Variants in RANBP3L observed in about 807,000 individuals in gnomAD.
The protein encoded by RANBP3L is ran-binding protein 3-like.
RANBP3L carries 56 observed loss-of-function variants against 67.2 expected under a neutral mutation model. That is an observed-to-expected ratio of 0.83 (90% confidence interval 0.67 to 1.04). The LOEUF (loss-of-function observed/expected upper bound fraction) is 1.04. Among genes scored for constraint, RANBP3L ranks in the 50% least tolerant of loss-of-function variants. The pLI, the probability that RANBP3L is intolerant of heterozygous loss-of-function variation, is 0.00. For missense variants in RANBP3L, 496 were observed against 535.5 expected, an observed-to-expected ratio of 0.93 and a Z score of 0.73; for synonymous variants, 164 against 181.4, an observed-to-expected ratio of 0.90 and a Z score of 0.77.
intron 13 of RANBP3L, 85 bp downstream of exon 13, chr5:36,251,228 T>C: frequency 8.8e-7 from 1 of 1,142,026 alleles, no homozygotes; most frequent in Non-Finnish European, 1.2e-6. Context: ...CAGTTCCACT[T>C]GTTAAAAAAT....
chr5:36,255,116 T>G (rs1464189112), intron 11 of RANBP3L, among the ~76,000 whole-genome samples: 1 of 152,184 alleles, frequency 6.6e-6, no homozygotes, highest in African/African-American at 2.4e-5. Context: ...GGTATGTGCT[T>G]GGCTCTGATA....
intron 4 of RANBP3L, among the ~76,000 whole-genome samples, chr5:36,267,580 A>C (rs1749901206): frequency 6.6e-6 from 1 of 152,160 alleles, no homozygotes; most frequent in African/African-American, 2.4e-5. Flanking sequence ...ATTCAAATGA[A>C]GTGAGTAGTT....
At position 36,255,610 on chromosome 5, in the gene RANBP3L, A is replaced by G; in HGVS notation, c.904-20T>C. 6.3e-7 allele frequency: 1 copy of G among 1,580,980 alleles called. No individual in the cohort carries two copies. The highest frequency in any genetic ancestry group is 1.1e-5 in the South Asian group (1 of 88,512). Reference sequence around the variant, plus strand: ...GTTTATCTAAATGACAATTTTTTAAAATGTCAAATATATAGAAAATTTTTT... The same window carrying G: ...GTTTATCTAAATGACAATTTTTTAAGATGTCAAATATATAGAAAATTTTTT... On this transcript the variant is annotated intron_variant, in intron 10 of 13. Transcript: ENST00000296604.
At chr5:36,254,397 A>AT (rs1189388608) in intron 11 of RANBP3L, among the ~76,000 whole-genome samples, 6 of 152,014 alleles carry the variant, frequency 3.9e-5, no homozygotes, top group Admixed American at 2.6e-4. Context: ...TTTAAAAAAA[A>AT]TTTTTTCAAT....
chr5:36,257,343 A>G (rs1028977944), intron 9 of RANBP3L, 111 bp downstream of exon 9: 2 of 455,624 alleles, frequency 4.4e-6, no homozygotes, highest in Middle Eastern at 6.0e-4. Flanking sequence ...TTGGTTTTTT[A>G]AATCTTATAG....
rs1357727288 is a variant in RANBP3L, at chr5:36,270,917, C to T, written c.150+336G>A. Among the ~76,000 whole-genome samples, 4 of 152,156 alleles carry T rather than the reference C, an allele frequency of 2.6e-5. No individual in the cohort carries two copies. The East Asian group carries it at 5.8e-4, about 22-fold the overall frequency. On this transcript the variant is annotated intron_variant, in intron 2 of 13. Coordinates refer to ENST00000296604, the MANE Select transcript of RANBP3L (RefSeq NM_145000.5). The stretch of plus-strand genomic sequence containing the variant: ...TGTAATTTAGAATGTGTTTTTTTAC[C>T]GAGTTTTAGGCTAGGTCAGTGGTGA...
intron 2 of RANBP3L, 97 bp from the exon 3 acceptor site, chr5:36,270,087 C>A (rs1750103010): frequency 1.0e-6 from 1 of 1,002,754 alleles, no homozygotes; most frequent in East Asian, 2.4e-5. Flanking sequence ...AAAGTAATGG[C>A]AAAAATTGCA....
intron 10 of RANBP3L, among the ~76,000 whole-genome samples, chr5:36,256,108 A>G (rs539555361): frequency 1.3e-5 from 2 of 152,256 alleles, no homozygotes; most frequent in South Asian, 4.1e-4. Context: ...AGAGAGCATG[A>G]TAACGTGGAG....
At chr5:36,276,915 C>T (rs925606168) in intron 1 of RANBP3L, among the ~76,000 whole-genome samples, 2 of 152,184 alleles carry the variant, frequency 1.3e-5, no homozygotes, top group African/African-American at 2.4e-5. Flanking sequence ...CTTCCCCCAC[C>T]TAGATTACAG....
rs1342168107 is a variant in RANBP3L, at chr5:36,268,333, T to G, written c.268+1057A>C. 64 of 1,158,428 alleles carry G rather than the reference T, an allele frequency of 5.5e-5. No homozygotes were observed. In the East Asian group the frequency reaches 1.8e-3, roughly 33 times the overall value. The allele number at this position is 1,158,428 out of a possible 1,614,324, so 71.8% of individuals were successfully genotyped here. A position where few individuals can be genotyped will look rare whatever the true frequency, so the allele number is the denominator to read the frequency against. ...TTTTTTGTTTTGTTTTCATTTGGAG[T>G]TTTGCTGTTTTGGAAAAATTTCTGT... is the stretch of plus-strand genomic sequence containing the variant. On this transcript the variant is annotated intron_variant, in intron 4 of 13. Transcript: ENST00000296604.
intron 7 of RANBP3L, 147 bp downstream of exon 7, chr5:36,261,792 A>G: frequency 2.2e-6 from 1 of 464,504 alleles, no homozygotes; most frequent in South Asian, 5.3e-5. Flanking sequence ...AACATTTTAA[A>G]CTTGTGTTTC....
At chr5:36,280,858 T>A (rs1458841715) in intron 1 of RANBP3L, among the ~76,000 whole-genome samples, 1 of 152,182 alleles carries the variant, frequency 6.6e-6, no homozygotes, top group Non-Finnish European at 1.5e-5. Context: ...AGCTACCATA[T>A]GAAATGCATA....
At chr5:36,283,234 T>C (rs1284817915) in intron 1 of RANBP3L, among the ~76,000 whole-genome samples, 1 of 151,912 alleles carries the variant, frequency 6.6e-6, no homozygotes, top group Non-Finnish European at 1.5e-5. Flanking sequence ...ATTTTTGTAT[T>C]TTTAGTAGAG....
chr5:36,284,732 C>T (rs960179674), intron 1 of RANBP3L, among the ~76,000 whole-genome samples: 1 of 152,184 alleles, frequency 6.6e-6, no homozygotes, highest in African/African-American at 2.4e-5. Context: ...AACTGCTAGC[C>T]TAATCAGTAA....
chr5:36,255,276 C>T (rs963458084), intron 11 of RANBP3L, among the ~76,000 whole-genome samples, 194 bp downstream of exon 11: 7 of 152,004 alleles, frequency 4.6e-5, no homozygotes, highest in Admixed American at 1.3e-4. Flanking sequence ...CTGCTGGAGC[C>T]AGAACTGGAG....
rs1367715683 is a variant in RANBP3L at position 36,265,077 on chromosome 5, T to C, written c.362A>G (p.His121Arg). 6.2e-7 allele frequency: 1 copy of C among 1,607,412 alleles called. No homozygotes were observed. Among genetic ancestry groups the C allele is most frequent in the Non-Finnish European group, 8.5e-7 (1 of 1,174,938 alleles). The change falls in exon 6 of 14, where the codon CAT becomes CGT. Residue 121 changes from histidine to arginine, a missense_variant. By Grantham distance (29) the His-to-Arg change is conservative. Coordinates refer to ENST00000296604, the MANE Select transcript of RANBP3L (RefSeq NM_145000.5). Reference sequence around the variant, plus strand: ...CTGCAAAATAGCAGGTCTAATAACATGTTTAGAATGTTTCACAGGACCTTA... The same window carrying C: ...CTGCAAAATAGCAGGTCTAATAACACGTTTAGAATGTTTCACAGGACCTTA... Reference protein sequence around the residue: ...AEQGPVKHSKHVIRPAILQLP... With the variant: ...AEQGPVKHSKRVIRPAILQLP...
chr5:36,255,423 G>T, intron 11 of RANBP3L, 47 bp downstream of exon 11: 7 of 1,583,034 alleles, frequency 4.4e-6, no homozygotes, highest in Non-Finnish European at 6.0e-6. Context: ...AAGTACACAG[G>T]AGAAATCCTG....
At chr5:36,298,513 A>T (rs989815042) in intron 1 of RANBP3L, among the ~76,000 whole-genome samples, 1 of 152,168 alleles carries the variant, frequency 6.6e-6, no homozygotes, top group African/African-American at 2.4e-5. Flanking sequence ...GCTTCCTGGG[A>T]CCTTTGCTGA....
chr5:36,258,673 A>G (rs767289682), intron 8 of RANBP3L, among the ~76,000 whole-genome samples: 1 of 152,234 alleles, frequency 6.6e-6, no homozygotes, highest in Non-Finnish European at 1.5e-5. Flanking sequence ...TAAAATGCCC[A>G]CAGGAAATGT....
Sources: gnomAD v4.1 joint callset for allele counts (sites outside exome capture counted in the v4.1 genomes callset) on GRCh38, gnomAD v4.1.1 for gene constraint, MANE v1.5 for transcripts, NCBI Gene and HGNC (gene_info 2026-07-23, HGNC 2026-07-21) for gene names.